Variants in FRMD4B observed in about 807,000 individuals in gnomAD.
FRMD4B encodes FERM domain containing 4B, also known as FERM domain-containing protein 4B.
Under a neutral mutation model 141.5 loss-of-function variants are expected in FRMD4B, and 74 were observed. The observed-to-expected ratio is 0.52, with a 90% CI of 0.43 to 0.63. The LOEUF is 0.63. FRMD4B is among the 30% of genes least tolerant of loss of function. The pLI, the probability that FRMD4B is intolerant of heterozygous loss-of-function variation, is 0.00. For synonymous variants in FRMD4B, 506 were observed against 467.9 expected (o/e 1.08, Z -1.05); for missense variants, 1,366 against 1,253.4 (o/e 1.09, Z -1.36).
chr3:69,190,562 G>A (rs555856603), intron 17 of FRMD4B, among the ~76,000 whole-genome samples: 84 of 152,094 alleles, frequency 5.5e-4, no homozygotes, highest in Non-Finnish European at 9.1e-4. Flanking sequence ...TTACAGGTAT[G>A]CAGCACCACG....
intron 5 of FRMD4B, among the ~76,000 whole-genome samples, chr3:69,267,678 GA>G (rs1449294333): frequency 8.4e-5 from 9 of 107,356 alleles, no homozygotes; most frequent in African/African-American, 3.0e-4. Context: ...GAGAGAGAGA[GA>G]GAGAGAGAGA....
At chr3:69,377,086 A>G (rs1291046114) in intron 1 of FRMD4B, 1 of 152,196 alleles carries the variant, frequency 6.6e-6, no homozygotes, top group African/African-American at 2.4e-5. Flanking sequence ...TTTAGGTGAC[A>G]TGTTTCTTTT....
chr3:69,533,723 C>T (rs1321037085), intron 1 of FRMD4B, among the ~76,000 whole-genome samples: 1 of 152,158 alleles, frequency 6.6e-6, no homozygotes, highest in African/African-American at 2.4e-5. Context: ...GAACTCTCCA[C>T]CTGCTGCTGC....
At chr3:69,187,733 G>C in intron 19 of FRMD4B, 37 bp downstream of exon 19, 1 of 1,565,028 alleles carries the variant, frequency 6.4e-7, no homozygotes, top group Non-Finnish European at 8.6e-7. Context: ...TTTCCTAGCT[G>C]TGGGGCATTA....
At chr3:69,205,948 G>C (rs1161870883) in intron 11 of FRMD4B, among the ~76,000 whole-genome samples, 1 of 152,168 alleles carries the variant, frequency 6.6e-6, no homozygotes. Context: ...GCTTACAATT[G>C]ACCAGACTAG....
chr3:69,488,264 C>T (rs13093605), intron 1 of FRMD4B, among the ~76,000 whole-genome samples: 32,360 of 152,050 alleles, frequency 0.21, 3,744 homozygotes, highest in Non-Finnish European at 0.27. Context: ...TCCAAAAATT[C>T]ATTTTATAGC....
intron 1 of FRMD4B, among the ~76,000 whole-genome samples, chr3:69,467,303 G>C (rs538879292): frequency 6.6e-6 from 1 of 152,292 alleles, no homozygotes; most frequent in South Asian, 2.1e-4. Flanking sequence ...GACTTATTAA[G>C]AGAGCTAGCA....
intron 1 of FRMD4B, among the ~76,000 whole-genome samples, chr3:69,537,752 C>A (rs1701109890): frequency 1.3e-5 from 2 of 152,178 alleles, no homozygotes; most frequent in African/African-American, 4.8e-5. Flanking sequence ...AATCTATTTG[C>A]CTGAATACAA....
chr3:69,383,069 C>T (rs750790755), intron 1 of FRMD4B, among the ~76,000 whole-genome samples: 6 of 83,290 alleles, frequency 7.2e-5, no homozygotes, highest in Admixed American at 2.4e-4. Flanking sequence ...AGGCAGCGTG[C>T]TAAATATCTC....
rs1704374508 is a variant in FRMD4B, at chr3:69,391,163, G to C, written c.-1+41471C>G. Among the ~76,000 whole-genome samples the C allele has an allele frequency of 2.0e-5, 3 of 151,928 alleles. No individual in the cohort carries two copies. In the South Asian group the frequency reaches 6.2e-4, roughly 32 times the overall value. ...AATTTTTGGATACTTATCATCCAAA[G>C]GGAGAATAACTATCATAACAACTAT... On this transcript the variant is annotated intron_variant, in intron 2 of 5. Coordinates refer to the FRMD4B transcript ENST00000459638.
intron 1 of FRMD4B, among the ~76,000 whole-genome samples, chr3:69,377,666 G>A (rs1210012609): frequency 6.6e-6 from 1 of 152,176 alleles, no homozygotes; most frequent in Non-Finnish European, 1.5e-5. Flanking sequence ...CCAATAATGG[G>A]TTAATGAAGG....
At chr3:69,213,511 A>G (rs1166988634) in intron 11 of FRMD4B, among the ~76,000 whole-genome samples, 3 of 152,124 alleles carry the variant, frequency 2.0e-5, no homozygotes, top group Non-Finnish European at 4.4e-5. Context: ...GAACAATAGT[A>G]CTTATACTCC....
At chr3:69,477,804 T>G (rs4855411) in intron 1 of FRMD4B, among the ~76,000 whole-genome samples, 90,185 of 143,804 alleles carry the variant, frequency 0.63, 29,845 homozygotes, top group African/African-American at 0.82. Context: ...TGTACCTCTG[T>G]TAGAATTCGG....
chr3:69,372,063 T>C (rs1703841063), intron 1 of FRMD4B, among the ~76,000 whole-genome samples: 1 of 152,230 alleles, frequency 6.6e-6, no homozygotes, highest in Non-Finnish European at 1.5e-5. Flanking sequence ...CACTCCACTG[T>C]GCTCTCCATT....
At chr3:69,324,567 C>A (rs1286130432) in intron 1 of FRMD4B, among the ~76,000 whole-genome samples, 1 of 152,214 alleles carries the variant, frequency 6.6e-6, no homozygotes, top group Non-Finnish European at 1.5e-5. Context: ...GTCAGTAGAT[C>A]CTCCCCCATA....
rs2092867116 is a variant in FRMD4B, at chr3:69,193,753, C to T, written c.1609G>A (p.Asp537Asn). The change falls in exon 17 of 23, where the codon GAT (aspartate) becomes AAT (asparagine). Residue 537 changes from aspartate to asparagine, a missense_variant. Transcript: ENST00000398540. ...CKTVKKKRKQ[D>N]YTDAMKKLQE... ...AGCTTTTTCATCGCATCTGTGTAATCTTGCTTTCGCTTTTTCTTCACAGTT... is the reference window on the plus strand; with the variant it reads ...AGCTTTTTCATCGCATCTGTGTAATTTTGCTTTCGCTTTTTCTTCACAGTT... 1.9e-6 allele frequency: 3 copies of T among 1,613,476 alleles called. No homozygotes were observed. The highest frequency in any genetic ancestry group is 2.5e-6 in the Non-Finnish European group (3 of 1,179,524).
chr3:69,220,176 G>C (rs1005971056), intron 9 of FRMD4B, among the ~76,000 whole-genome samples: 1 of 152,164 alleles, frequency 6.6e-6, no homozygotes, highest in Non-Finnish European at 1.5e-5. Flanking sequence ...CACGAACCTG[G>C]ATGGTAGAGC....
At position 69,488,841 on chromosome 3, in the gene FRMD4B, C is replaced by T. The variant is rs557262602; in HGVS notation, c.-129+53365G>A. Among the ~76,000 whole-genome samples the T allele has an allele frequency of 3.5e-5, 5 of 143,168 alleles. No homozygotes were observed. In the East Asian group the frequency reaches 6.1e-4, roughly 17 times the overall value. The allele number at this position is 143,168 out of a possible 152,430, so 93.9% of individuals were successfully genotyped here. A position where few individuals can be genotyped will look rare whatever the true frequency, so the allele number is the denominator to read the frequency against. ...CCAGAAGGCAGAGGTTGCAGTGAGC[C>T]GAGATCACACCACTGCACTCCAGCC... On this transcript the variant is annotated intron_variant, in intron 1 of 5. Coordinates refer to the FRMD4B transcript ENST00000459638.
At chr3:69,396,341 C>T (rs1266126745) in intron 2 of FRMD4B, among the ~76,000 whole-genome samples, 3 of 151,990 alleles carry the variant, frequency 2.0e-5, no homozygotes, top group Admixed American at 1.3e-4. Context: ...CCCTTCTCCA[C>T]TAAAAATCCA....
Sources: gnomAD v4.1 joint callset for allele counts (sites outside exome capture counted in the v4.1 genomes callset) on GRCh38, gnomAD v4.1.1 for gene constraint, MANE v1.5 for transcripts, NCBI Gene and HGNC (gene_info 2026-07-23, HGNC 2026-07-21) for gene names.